The following FLNA variants were observed in gnomAD, a reference collection of about 807,000 sequenced individuals.
FLNA encodes filamin-A.
In FLNA, 7 loss-of-function variants were observed where a neutral mutation model predicts 157.6. The ratio of observed to expected loss-of-function variants is 0.04; its 90% CI spans 0.03 to 0.08. The LOEUF (loss-of-function observed/expected upper bound fraction) is 0.08. Ranked by LOEUF, FLNA falls within the 10% of genes least tolerant of loss-of-function variation. The pLI, the probability that FLNA is intolerant of heterozygous loss-of-function variation, is 1.00. For synonymous variants in FLNA, 1,103 were observed against 1,060.8 expected, an observed-to-expected ratio of 1.04 and a Z score of -0.77; for missense variants, 1,750 against 2,398.4, an observed-to-expected ratio of 0.73 and a Z score of 5.65.
intron 1 of FLNA, among the ~76,000 whole-genome samples, chrX:154,371,665 G>A (rs1451704844): frequency 8.8e-6 from 1 of 113,351 alleles, no homozygotes; most frequent in Non-Finnish European, 1.9e-5. Flanking sequence ...GGGACTGCTT[G>A]GCCTGCAGCC....
chrX:154,351,114 G>A (rs2067615421), intron 43 of FLNA, 73 bp from the exon 44 acceptor site: 59 of 1,123,643 alleles, frequency 5.3e-5, no homozygotes, highest in Non-Finnish European at 6.8e-5. Flanking sequence ...GGCCCCAGGA[G>A]CAAGAGGCCC....
At chrX:154,352,735 G>A (rs782203408) in intron 39 of FLNA, 37 bp downstream of exon 39, 1 of 1,211,656 alleles carries the variant, frequency 8.3e-7, no homozygotes, top group East Asian at 3.0e-5. Flanking sequence ...GGGCCCTGGT[G>A]TAGTGAGGGG....
chrX:154,357,726 C>T, intron 28 of FLNA, 103 bp from the exon 29 acceptor site: 2 of 767,817 alleles, frequency 2.6e-6, no homozygotes, highest in Non-Finnish European at 3.9e-6. Flanking sequence ...CAGGGACAGT[C>T]TCTGGGCCTC....
chrX:154,353,212 CAG>C lies in FLNA; in HGVS notation c.6023-10_6023-9del, dbSNP rs2067635349. On this transcript the variant is annotated splice_polypyrimidine_tract_variant and intron_variant, in intron 37 of 47. Transcript: ENST00000369850. ...TGGGCACGAATGAAATCCCTGGACA[CAG>C]GGCATGGCTGTCAGTCAGGGAGGGC... 8.3e-7 allele frequency: 1 copy of C among 1,209,897 alleles called. No homozygotes were observed. Among genetic ancestry groups the C allele is most frequent in the Non-Finnish European group, 1.1e-6 (1 of 894,868 alleles).
intron 28 of FLNA, 49 bp from the exon 29 acceptor site, chrX:154,357,672 C>T (rs374472865): frequency 3.9e-5 from 44 of 1,120,485 alleles, no homozygotes; most frequent in African/African-American, 3.4e-4. Flanking sequence ...CGAGTAGCCC[C>T]GGGCCTGCCT....
Position 154,360,549 on chromosome X carries a change from C to T in FLNA, c.3246G>A (p.Ala1082=), listed in dbSNP as rs373036085. ...CGATGGTGAAGCGGGCGGGGGAGCC[C>T]GCACTGCCTCCCTGCAGCCCCGGCC... The part of the protein sequence containing the change: ...AFGPGLQGGS[A]GSPARFTIDT... Residue 1082 remains alanine, a synonymous_variant, in exon 22 of 48, where the codon GCG becomes GCA. Transcript: ENST00000369850. The T allele has an allele frequency of 2.7e-5, 33 of 1,208,168 alleles. No homozygotes were observed. Among genetic ancestry groups the T allele is most frequent in the African/African-American group, 1.4e-4 (8 of 57,600 alleles).
rs56102764 is a variant in FLNA, at chrX:154,354,678, G to A, written c.5251C>T (p.Pro1751Ser). Reference protein sequence around the residue: ...LAGDQPSVQPPLRSQQLAPQY... With the variant: ...LAGDQPSVQPSLRSQQLAPQY... Reference sequence around the variant, plus strand: ...GGGGCCAGCTGCTGAGACCGTAGAGGGGGCTGCACCGAGGGCTGGTCCCCA... The same window carrying A: ...GGGGCCAGCTGCTGAGACCGTAGAGAGGGCTGCACCGAGGGCTGGTCCCCA... The change falls in exon 32 of 48, where the codon CCT (proline) becomes TCT (serine). Residue 1751 changes from proline to serine, a missense_variant. Coordinates refer to ENST00000369850, the MANE Select transcript of FLNA (RefSeq NM_001110556.2). 926 of 1,206,829 alleles carry A rather than the reference G, an allele frequency of 7.7e-4. 1 individual carries two copies. In the Middle Eastern group the frequency reaches 0.011, roughly 14 times the overall value.
chrX:154,365,508 GAGC>G, intron 9 of FLNA, 22 bp from the exon 10 acceptor site: 1 of 1,207,909 alleles, frequency 8.3e-7, no homozygotes, highest in Non-Finnish European at 1.1e-6. Context: ...GGGGCCAGCT[GAGC>G]ACCAGCAGCT....
At position 154,364,272 on chromosome X, in the gene FLNA, C is replaced by T. The variant is rs371707134; in HGVS notation, c.2123G>A (p.Arg708Gln). 23 of 1,209,156 alleles carry T rather than the reference C, an allele frequency of 1.9e-5. No homozygotes were observed. Among genetic ancestry groups the T allele is most frequent in the African/African-American group, 1.4e-4 (8 of 57,172 alleles). The change falls in exon 14 of 48, where the codon CGG becomes CAG. Residue 708 changes from arginine to glutamine, a missense_variant. This residue lies in a region of FLNA where 648 missense variants were observed against 805.8 expected (regional missense o/e 0.80). Coordinates refer to ENST00000369850, the MANE Select transcript of FLNA (RefSeq NM_001110556.2). ...TGGGTGCTCTACCTGGACTTGGACCCGAAGTGGGGCCTTGCCACCGTGCTT... is the reference window on the plus strand; with the variant it reads ...TGGGTGCTCTACCTGGACTTGGACCTGAAGTGGGGCCTTGCCACCGTGCTT... ...DAKHGGKAPL[R>Q]VQVQDNEGCP...
chrX:154,356,668 G>A (rs1214621647), intron 30 of FLNA, among the ~76,000 whole-genome samples: 1 of 112,470 alleles, frequency 8.9e-6, no homozygotes, highest in Admixed American at 9.3e-5. Flanking sequence ...GGGGGAAGGA[G>A]GGAGACGGGC....
rs1291004140 is a variant in FLNA, at chrX:154,353,140, G to A, written c.6087C>T (p.His2029=). Residue 2029 remains histidine (H), a synonymous_variant, in exon 38 of 48, where the codon CAC becomes CAT. Transcript: ENST00000369850. ...CCACCGGGATGGGGCTGCTGGCCAC[G>A]TGCTGGCCATTTTTCTTCACATGCA... ...HLVHVKKNGQ[H]VASSPIPVVI... 4 of 1,211,288 alleles carry A rather than the reference G, an allele frequency of 3.3e-6. No individual in the cohort carries two copies. In the East Asian group the frequency reaches 8.9e-5, roughly 27 times the overall value.
intron 40 of FLNA, 52 bp downstream of exon 40, chrX:154,352,501 T>C: frequency 2.5e-6 from 3 of 1,211,011 alleles, no homozygotes; most frequent in Non-Finnish European, 3.4e-6. Context: ...ACCCCTCCTC[T>C]TGGGGCTGCT....
chrX:154,366,796 G>T lies in FLNA; in HGVS notation c.923C>A (p.Thr308Asn). The T allele has an allele frequency of 8.3e-7, 1 of 1,211,683 alleles. No individual in the cohort carries two copies. The highest frequency in any genetic ancestry group is 1.1e-6 in the Non-Finnish European group (1 of 895,357). The change falls in exon 6 of 48, where the codon ACC becomes AAC. Residue 308 changes from threonine (T) to asparagine (N), a missense_variant. Around this residue, in one of 5 missense-constraint regions of FLNA, gnomAD observed 648 missense variants for 805.8 expected, o/e 0.80. Coordinates refer to ENST00000369850, the MANE Select transcript of FLNA (RefSeq NM_001110556.2). ...VKKRAEFTVE[T>N]RSAGQGEVLV... ...CACCTCTCCCTGGCCAGCACTTCTG[G>T]TCTCCACAGTGAACTCTGCCCGCTT...
rs1557179686 is a variant in FLNA, at chrX:154,368,065, G to T, written c.399C>A (p.Asn133Lys). 1 of 1,209,957 alleles carries T rather than the reference G, an allele frequency of 8.3e-7. No individual in the cohort carries two copies. The change falls in exon 3 of 48, where the codon AAC becomes AAA. Residue 133 changes from asparagine to lysine, a missense_variant. Physicochemically the swap from Asn to Lys is moderately conservative, Grantham distance 94. Transcript: ENST00000369850. ...SIDSKAIVDG[N>K]LKLILGLIWT... ...AGATGAGGCCCAGGATCAGCTTCAG[G>T]TTCCCGTCCACGATGGCCTTGCTGT...
rs368597778 is a variant in FLNA at position 154,359,594 on chromosome X, G to A, written c.4032C>T (p.Pro1344=). Residue 1344 remains proline (P), a synonymous_variant, in exon 24 of 48, where the codon CCC becomes CCT. Coordinates refer to ENST00000369850, the MANE Select transcript of FLNA (RefSeq NM_001110556.2). ...AGCCCTCGGTCACGGGCACCTGGAAGGGGCTGCTGGGCACGGGACTGCCGT... is the reference window on the plus strand; with the variant it reads ...AGCCCTCGGTCACGGGCACCTGGAAAGGGCTGCTGGGCACGGGACTGCCGT... ...TYDGSPVPSS[P]FQVPVTEGCD... 1 of 1,209,540 alleles carries A rather than the reference G, an allele frequency of 8.3e-7. No homozygotes were observed. The highest frequency in any genetic ancestry group is 3.0e-5 in the East Asian group (1 of 33,755).
Position 154,370,764 on chromosome X carries a change from G to C in FLNA, c.373+109C>G, listed in dbSNP as rs1423438181. On this transcript the variant is annotated intron_variant, in intron 2 of 47. Transcript: ENST00000369850. Reference sequence around the variant, plus strand: ...AGCAGAGCAGCCGGAGGCCTCGGGAGTTGCGCTGCGGCCCGGAAGGGGGTG... The same window carrying C: ...AGCAGAGCAGCCGGAGGCCTCGGGACTTGCGCTGCGGCCCGGAAGGGGGTG... 1.7e-5 allele frequency: 15 copies of C among 880,133 alleles called. No individual in the cohort carries two copies. In the East Asian group the frequency reaches 4.1e-4, roughly 24 times the overall value. The allele number at this position is 880,133 out of a possible 1,213,427, so 72.5% of individuals were successfully genotyped here.
At chrX:154,351,300 C>CT in intron 43 of FLNA, 3 of 441,158 alleles carry the variant, frequency 6.8e-6, no homozygotes, top group Non-Finnish European at 1.2e-5. Flanking sequence ...AGCACCCAGC[C>CT]TTGGCAGGCT....
chrX:154,358,908 C>T, intron 26 of FLNA, 76 bp downstream of exon 26: 1 of 1,106,065 alleles, frequency 9.0e-7, no homozygotes, highest in Non-Finnish European at 1.2e-6. Context: ...TCACTTTGGG[C>T]CTCCAGTTTC....
intron 11 of FLNA, 42 bp downstream of exon 11, chrX:154,365,094 C>T: frequency 8.3e-7 from 1 of 1,209,984 alleles, no homozygotes; most frequent in Non-Finnish European, 1.1e-6. Context: ...AGAGAAGAGG[C>T]AGAGTGTGCA....
Sources: gnomAD v4.1 joint callset for allele counts (sites outside exome capture counted in the v4.1 genomes callset) on GRCh38, gnomAD v4.1.1 for gene constraint, gnomAD v4.1.1 regional missense constraint, MANE v1.5 for transcripts, NCBI Gene and HGNC (gene_info 2026-07-23, HGNC 2026-07-21) for gene names.